LRRTM4: variants seen among roughly 807,000 people sequenced by gnomAD.
LRRTM4 encodes the protein leucine-rich repeat transmembrane neuronal protein 4.
In LRRTM4, 25 loss-of-function variants were observed where a neutral mutation model predicts 47.6. That is an observed-to-expected ratio of 0.53 (90% CI 0.38 to 0.73). LRRTM4 has a LOEUF of 0.73. LRRTM4 is among the 30% of genes least tolerant of loss of function. The probability of loss-of-function intolerance (pLI) is 0.00; values close to 1 mark genes in which losing one functional copy is unlikely to be tolerated. For missense variants in LRRTM4, 638 were observed against 713.4 expected (o/e 0.89, Z 1.20); for synonymous variants, 311 against 269.5 (o/e 1.15, Z -1.51).
chr2:77,056,529 A>T (rs957376880), intron 3 of LRRTM4, among the ~76,000 whole-genome samples: 1 of 152,140 alleles, frequency 6.6e-6, no homozygotes, highest in Non-Finnish European at 1.5e-5. Flanking sequence ...TAAAATCAAT[A>T]AAAGGATAAA....
intron 3 of LRRTM4, among the ~76,000 whole-genome samples, chr2:76,873,449 A>T (rs1049508911): frequency 6.9e-6 from 1 of 144,068 alleles, no homozygotes; most frequent in Non-Finnish European, 1.5e-5. Flanking sequence ...GTCTGTGTGT[A>T]TATATATATA....
intron 3 of LRRTM4, among the ~76,000 whole-genome samples, chr2:76,934,484 T>C (rs903218900): frequency 1.3e-5 from 2 of 152,178 alleles, no homozygotes; most frequent in Non-Finnish European, 2.9e-5. Flanking sequence ...TCTCACACAG[T>C]TGTTGCAAGA....
At chr2:76,842,929 A>G (rs1184099023) in intron 3 of LRRTM4, among the ~76,000 whole-genome samples, 1 of 152,292 alleles carries the variant, frequency 6.6e-6, no homozygotes, top group South Asian at 2.1e-4. Context: ...TACTTTTTGT[A>G]AATATATAGT....
At chr2:76,935,585 T>A (rs1394092714) in intron 3 of LRRTM4, among the ~76,000 whole-genome samples, 1 of 152,198 alleles carries the variant, frequency 6.6e-6, no homozygotes, top group Non-Finnish European at 1.5e-5. Context: ...TAAGTTGTAT[T>A]CCTAGGTATT....
At chr2:77,200,793 T>C (rs375644152) in intron 3 of LRRTM4, among the ~76,000 whole-genome samples, 2 of 152,252 alleles carry the variant, frequency 1.3e-5, no homozygotes, top group African/African-American at 4.8e-5. Flanking sequence ...CATAATTTAA[T>C]ATGATGACTG....
At chr2:76,755,131 A>G (rs1225883130) in intron 3 of LRRTM4, among the ~76,000 whole-genome samples, 1 of 152,194 alleles carries the variant, frequency 6.6e-6, no homozygotes, top group Non-Finnish European at 1.5e-5. Flanking sequence ...TTTCATTAAT[A>G]CATGAAAAGA....
At chr2:77,481,428 T>C (rs1159169983) in intron 3 of LRRTM4, among the ~76,000 whole-genome samples, 1 of 152,186 alleles carries the variant, frequency 6.6e-6, no homozygotes, top group Non-Finnish European at 1.5e-5. Flanking sequence ...CCCCTGCTTA[T>C]CCCACACTGC....
chr2:76,875,760 T>C (rs917120242), intron 3 of LRRTM4, among the ~76,000 whole-genome samples: 1 of 152,180 alleles, frequency 6.6e-6, no homozygotes, highest in African/African-American at 2.4e-5. Flanking sequence ...TATGTTGAGA[T>C]TGGTTTCCAC....
intron 3 of LRRTM4, among the ~76,000 whole-genome samples, chr2:77,501,770 A>G (rs903563897): frequency 6.6e-6 from 1 of 151,382 alleles, no homozygotes; most frequent in Non-Finnish European, 1.5e-5. Flanking sequence ...AAAACCTATT[A>G]TAAGTTAATA....
chr2:77,482,458 A>ATACACG (rs1677744863), intron 3 of LRRTM4, among the ~76,000 whole-genome samples: 1 of 151,862 alleles, frequency 6.6e-6, no homozygotes, highest in Non-Finnish European at 1.5e-5. Context: ...ACACACACAC[A>ATACACG]CAGAGACCTG....
At chr2:77,028,225 A>G (rs772986296) in intron 3 of LRRTM4, among the ~76,000 whole-genome samples, 2 of 152,216 alleles carry the variant, frequency 1.3e-5, no homozygotes, top group Non-Finnish European at 2.9e-5. Context: ...AACGTAGCGC[A>G]TGACTCATTG....
At chr2:76,878,762 T>C (rs1023914471) in intron 3 of LRRTM4, among the ~76,000 whole-genome samples, 2 of 151,966 alleles carry the variant, frequency 1.3e-5, no homozygotes, top group Non-Finnish European at 2.9e-5. Flanking sequence ...GAATCCCAGC[T>C]ACTTGGGAGG....
intron 3 of LRRTM4, among the ~76,000 whole-genome samples, chr2:77,183,797 C>G (rs1383810219): frequency 1.3e-5 from 2 of 152,084 alleles, no homozygotes; most frequent in Admixed American, 1.3e-4. Context: ...ATGGATGAAG[C>G]TGGAAACCAT....
At chr2:77,003,198 T>C (rs924039839) in intron 3 of LRRTM4, among the ~76,000 whole-genome samples, 1 of 152,036 alleles carries the variant, frequency 6.6e-6, no homozygotes, top group Middle Eastern at 3.2e-3. Flanking sequence ...TTCCTGTTGA[T>C]AGAATTTTGT....
In LRRTM4 at chr2:76,808,273, CT is replaced by C. The variant is rs1459599945; in HGVS notation, c.1552-59358del. The stretch of plus-strand genomic sequence containing the variant: ...GACTTCGTGATCCGCCTGCCTTGAC[CT>C]CCCAAAGTGCTGGAGTGAGCCACCG... On this transcript the variant is annotated intron_variant, in intron 3 of 3. Transcript: ENST00000409884. Among the ~76,000 whole-genome samples the C allele has an allele frequency of 2.6e-5, 4 of 152,002 alleles. No homozygotes were observed. In the East Asian group the frequency reaches 5.8e-4, roughly 22 times the overall value.
At chr2:77,034,496 C>T (rs552763130) in intron 3 of LRRTM4, among the ~76,000 whole-genome samples, 1 of 152,054 alleles carries the variant, frequency 6.6e-6, no homozygotes, top group South Asian at 2.1e-4. Flanking sequence ...TCTGTTCAAT[C>T]TGCAGATTTT....
chr2:77,362,959 A>G (rs1009321537), intron 3 of LRRTM4, among the ~76,000 whole-genome samples: 2 of 152,214 alleles, frequency 1.3e-5, no homozygotes, highest in Non-Finnish European at 2.9e-5. Context: ...GATTTTATGT[A>G]TTTAACCATG....
intron 3 of LRRTM4, among the ~76,000 whole-genome samples, chr2:77,403,689 T>C (rs2061599231): frequency 6.6e-6 from 1 of 151,788 alleles, no homozygotes; most frequent in African/African-American, 2.4e-5. Flanking sequence ...AACTCCTCCT[T>C]TGAAACCTTG....
chr2:77,198,186 T>C (rs1040863143), intron 3 of LRRTM4, among the ~76,000 whole-genome samples: 2 of 152,162 alleles, frequency 1.3e-5, no homozygotes, highest in African/African-American at 4.8e-5. Context: ...TTCATCTTTA[T>C]AGCCTCCTAT....
Sources: gnomAD v4.1 joint callset for allele counts (sites outside exome capture counted in the v4.1 genomes callset) on GRCh38, gnomAD v4.1.1 for gene constraint, MANE v1.5 for transcripts, NCBI Gene and HGNC (gene_info 2026-07-23, HGNC 2026-07-21) for gene names.